The following SPTB variants were observed in gnomAD, a reference collection of about 807,000 sequenced individuals.
SPTB encodes the protein spectrin beta chain, erythrocytic.
A neutral mutation model predicts 256.2 loss-of-function variants in SPTB; 45 were observed. The ratio of observed to expected loss-of-function variants is 0.18; its 90% CI spans 0.14 to 0.23. The LOEUF is 0.23. Ranked by LOEUF, SPTB falls within the 10% of genes least tolerant of loss-of-function variation. SPTB has a pLI of 1.00. For synonymous variants in SPTB, 1,231 were observed against 1,243.1 expected (o/e 0.99, Z 0.21); for missense variants, 2,715 against 3,040.4 (o/e 0.89, Z 2.52).
Position 64,772,169 on chromosome 14 carries a change from T to G in SPTB, c.5553+411A>C, listed in dbSNP as rs1422041360. 1.3e-5 allele frequency among the ~76,000 whole-genome samples: 2 copies of G among 152,136 alleles called. No individual in the cohort carries two copies. Among genetic ancestry groups the G allele is most frequent in the Non-Finnish European group, 2.9e-5 (2 of 68,010 alleles). On this transcript the variant is annotated intron_variant, in intron 26 of 35. Coordinates refer to ENST00000644917, the MANE Select transcript of SPTB (RefSeq NM_001355436.2). This position sits in a 1 kb window ranked among gnomAD's most constrained non-coding sequence, Gnocchi z 5.4. ...TCGTACCTACATGTTCCTGGGAAAC[T>G]TATGGGTCTTCTACCTCTCCCTTTT...
intron 1 of SPTB, among the ~76,000 whole-genome samples, chr14:64,879,395 G>A (rs1467795225): frequency 6.6e-6 from 1 of 152,232 alleles, no homozygotes; most frequent in Non-Finnish European, 1.5e-5. Context: ...AGAGAGCAGC[G>A]CTGCGGTCGG....
In SPTB at chr14:64,772,962, T is replaced by C; in HGVS notation, c.5179-8A>G. Reference sequence around the variant, plus strand: ...GAACTTGTCCCGCAGAAGCTAGGCATGGGGCAGACAGAAATGTGGTTATGG... The same window carrying C: ...GAACTTGTCCCGCAGAAGCTAGGCACGGGGCAGACAGAAATGTGGTTATGG... On this transcript the variant is annotated splice_region_variant and splice_polypyrimidine_tract_variant and intron_variant, in intron 25 of 35. Transcript: ENST00000644917. This position sits in a 1 kb window ranked among gnomAD's most constrained non-coding sequence, Gnocchi z 5.4. 3.8e-6 allele frequency: 6 copies of C among 1,597,692 alleles called. No individual in the cohort carries two copies. Among genetic ancestry groups the C allele is most frequent in the Non-Finnish European group, 5.1e-6 (6 of 1,173,000 alleles).
chr14:64,877,773 T>C (rs1249543715), intron 1 of SPTB, among the ~76,000 whole-genome samples: 1 of 152,254 alleles, frequency 6.6e-6, no homozygotes, highest in Non-Finnish European at 1.5e-5. Context: ...AGTTCAAAAC[T>C]GTCATTCACA....
At chr14:64,787,210 C>A (rs550016911) in intron 15 of SPTB, 50 bp from the exon 16 acceptor site, 7 of 1,597,246 alleles carry the variant, frequency 4.4e-6, no homozygotes, top group Non-Finnish European at 5.9e-6. Context: ...TCTCCCTTAG[C>A]TCTTCTTCCC....
rs1415280101 is a variant in SPTB at position 64,770,923 on chromosome 14, C to T, written c.5760G>A (p.Glu1920=). The T allele has an allele frequency of 6.2e-7, 1 of 1,614,146 alleles. No individual in the cohort carries two copies. The highest frequency in any genetic ancestry group is 8.5e-7 in the Non-Finnish European group (1 of 1,180,040). ...GGGTCTCGATCTGCCGGATGATGCT[C>T]TCCATCCAGGAGAGGAGGTCACGGG... ...SMARDLLSWM[E]SIIRQIETQE... Residue 1920 remains glutamate, a synonymous_variant, in exon 27 of 36, where the codon GAG becomes GAA. Coordinates refer to ENST00000644917, the MANE Select transcript of SPTB (RefSeq NM_001355436.2).
intron 1 of SPTB, among the ~76,000 whole-genome samples, chr14:64,859,690 CTCTG>C (rs1396542895): frequency 7.8e-5 from 4 of 51,448 alleles, no homozygotes; most frequent in African/African-American, 3.2e-4. Context: ...GTCTCTCTCT[CTCTG>C]TCTCTCTCTC....
rs1012680698 is a variant in SPTB at position 64,764,054 on chromosome 14, G to A, written c.6345+2672C>T. ...GATTGTACATGAAGCAACACCGCAT[G>A]GATCTATTCTGTAGGGCACCGACAC... On this transcript the variant is annotated intron_variant, in intron 32 of 35. Coordinates refer to ENST00000644917, the MANE Select transcript of SPTB (RefSeq NM_001355436.2). The surrounding 1 kb of genome is among the most constrained non-coding windows in gnomAD (Gnocchi z 4.2). Among the ~76,000 whole-genome samples, 1 of 152,222 alleles carries A rather than the reference G, an allele frequency of 6.6e-6. No homozygotes were observed. Among genetic ancestry groups the A allele is most frequent in the African/African-American group, 2.4e-5 (1 of 41,460 alleles).
At chr14:64,856,391 C>T (rs1042439050) in intron 1 of SPTB, among the ~76,000 whole-genome samples, 2 of 152,198 alleles carry the variant, frequency 1.3e-5, no homozygotes, top group African/African-American at 4.8e-5. Context: ...CCTCTTCTTC[C>T]ATGAGACTAT....
Position 64,791,643 on chromosome 14 carries a change from T to G in SPTB, c.2804+76A>C. The G allele has an allele frequency of 1.9e-6, 3 of 1,558,380 alleles. No individual in the cohort carries two copies. The East Asian group carries it at 6.8e-5, about 35-fold the overall frequency. ...GTTGGTGCATACTAGGTGGACTAAA[T>G]TTTGGGCCCGGCCCCCAGCAGTGTG... On this transcript the variant is annotated intron_variant, in intron 15 of 35. Transcript: ENST00000644917.
chr14:64,766,610 G>A (rs1032314123), intron 32 of SPTB, 116 bp downstream of exon 32: 1 of 1,608,146 alleles, frequency 6.2e-7, no homozygotes, highest in Non-Finnish European at 8.5e-7. Context: ...TGGGGAGGAT[G>A]GAGGGCGGGG....
chr14:64,751,023 ATATAT>A (rs1212624167), intron 33 of SPTB, among the ~76,000 whole-genome samples: 4 of 145,478 alleles, frequency 2.7e-5, no homozygotes, highest in Admixed American at 1.4e-4. Context: ...ACATTATGTT[ATATAT>A]TATATATGTA....
rs777530869 is a variant in SPTB at position 64,775,448 on chromosome 14, C to A, written c.4564-45G>T. The A allele has an allele frequency of 6.3e-7, 1 of 1,586,548 alleles. No homozygotes were observed. Among genetic ancestry groups the A allele is most frequent in the Non-Finnish European group, 8.6e-7 (1 of 1,164,028 alleles). ...CTCGGGGCAGGGCCTTCCCACCATG[C>A]GGGGGAGGCTGCTTCAGCAGTGGCA... On this transcript the variant is annotated intron_variant, in intron 22 of 35. Transcript: ENST00000644917. This position sits in a 1 kb window ranked among gnomAD's most constrained non-coding sequence, Gnocchi z 5.0.
rs965655752 is a variant in SPTB at position 64,796,141 on chromosome 14, A to C, written c.1341+416T>G. Among the ~76,000 whole-genome samples the C allele has an allele frequency of 6.6e-6, 1 of 152,208 alleles. No individual in the cohort carries two copies. The highest frequency in any genetic ancestry group is 1.5e-5 in the Non-Finnish European group (1 of 68,036). Reference sequence around the variant, plus strand: ...TAAGTGAGAGGGAACAGATGCTCTGATGAAGAATCAGCCCTGGGGTCAATT... The same window carrying C: ...TAAGTGAGAGGGAACAGATGCTCTGCTGAAGAATCAGCCCTGGGGTCAATT... On this transcript the variant is annotated intron_variant, in intron 11 of 35. Coordinates refer to ENST00000644917, the MANE Select transcript of SPTB (RefSeq NM_001355436.2). The surrounding 1 kb of genome is among the most constrained non-coding windows in gnomAD (Gnocchi z 4.1).
At chr14:64,752,593 T>G (rs986941985) in intron 33 of SPTB, among the ~76,000 whole-genome samples, 1 of 152,202 alleles carries the variant, frequency 6.6e-6, no homozygotes. Flanking sequence ...CACAGGATTG[T>G]TGGGAAGATT....
In SPTB at chr14:64,799,828, C is replaced by G; in HGVS notation, c.983G>C (p.Arg328Pro). 6.2e-7 allele frequency: 1 copy of G among 1,614,224 alleles called. No individual in the cohort carries two copies. Among genetic ancestry groups the G allele is most frequent in the South Asian group, 1.1e-5 (1 of 91,084 alleles). The part of the protein sequence containing the change: ...IEQTITVLNS[R>P]KFANSLTGVQ... The stretch of plus-strand genomic sequence containing the variant: ...GCCCGTCAGCGAGTTGGCAAACTTG[C>G]GGCTGTTCAGGACAGTGATGGTCTG... The change falls in exon 9 of 36, where the codon CGC becomes CCC. Residue 328 changes from arginine (R) to proline (P), a missense_variant. Arg to Pro is a moderately radical substitution (Grantham distance 103, BLOSUM62 -2). Transcript: ENST00000644917.
In SPTB at chr14:64,827,131, G is replaced by T. The variant is rs2083387644; in HGVS notation, c.-51-3986C>A. Among the ~76,000 whole-genome samples, 1 of 152,172 alleles carries T rather than the reference G, an allele frequency of 6.6e-6. No homozygotes were observed. The highest frequency in any genetic ancestry group is 1.5e-5 in the Non-Finnish European group (1 of 68,038). ...CAGCTCCTCTCCCAGCCTGCAGGGT[G>T]CTGACGGAGCCCAAGCTAGGACCCA... On this transcript the variant is annotated intron_variant, in intron 1 of 35. Coordinates refer to ENST00000644917, the MANE Select transcript of SPTB (RefSeq NM_001355436.2). This position sits in a 1 kb window ranked among gnomAD's most constrained non-coding sequence, Gnocchi z 4.6.
intron 1 of SPTB, among the ~76,000 whole-genome samples, chr14:64,864,176 G>T (rs1023729335): frequency 6.6e-6 from 1 of 152,202 alleles, no homozygotes; most frequent in African/African-American, 2.4e-5. Context: ...AATAGGTCAG[G>T]CCAGGCATGG....
chr14:64,819,593 G>C (rs1442651911), intron 2 of SPTB, among the ~76,000 whole-genome samples: 2 of 152,296 alleles, frequency 1.3e-5, no homozygotes, highest in East Asian at 3.9e-4. Flanking sequence ...CATCAGGTCT[G>C]GGGGAAGGGG....
At chr14:64,859,486 T>C (rs1409085107) in intron 1 of SPTB, among the ~76,000 whole-genome samples, 1 of 152,228 alleles carries the variant, frequency 6.6e-6, no homozygotes, top group Non-Finnish European at 1.5e-5. Context: ...GGCTCATGCC[T>C]GTAATCCCAG....
Sources: allele counts gnomAD v4.1 joint callset (sites outside exome capture counted in the v4.1 genomes callset), GRCh38; gene constraint gnomAD v4.1.1; non-coding constraint Gnocchi (gnomAD v3.1); transcripts MANE v1.5; gene names NCBI Gene and HGNC (gene_info 2026-07-23, HGNC 2026-07-21).